Variants in TRAPPC9 observed in about 807,000 individuals in gnomAD.
TRAPPC9 encodes trafficking protein particle complex subunit 9, also known as IKK2 binding protein.
TRAPPC9 carries 83 observed loss-of-function variants against 124.0 expected under a neutral mutation model. The ratio of observed to expected loss-of-function variants is 0.67; its 90% CI spans 0.56 to 0.80. The LOEUF is 0.80. TRAPPC9 is among the 30% of genes least tolerant of loss of function. The pLI is 0.00. For synonymous variants in TRAPPC9, 638 were observed against 617.5 expected, an observed-to-expected ratio of 1.03 and a Z score of -0.49; for missense variants, 1,302 against 1,508.3, an observed-to-expected ratio of 0.86 and a Z score of 2.27.
intron 21 of TRAPPC9, among the ~76,000 whole-genome samples, chr8:139,885,643 T>C (rs1020212278): frequency 1.3e-5 from 2 of 152,226 alleles, no homozygotes; most frequent in Admixed American, 6.5e-5. Flanking sequence ...GCCCTTCTCA[T>C]GTCTGCACTG....
At chr8:140,340,910 G>A (rs192479854) in intron 9 of TRAPPC9, among the ~76,000 whole-genome samples, 67 of 152,266 alleles carry the variant, frequency 4.4e-4, no homozygotes, top group South Asian at 1.0e-3. Context: ...ACAAATCCAC[G>A]TAACCAACAA....
chr8:140,392,652 G>A (rs2068960733), intron 7 of TRAPPC9, among the ~76,000 whole-genome samples: 1 of 152,212 alleles, frequency 6.6e-6, no homozygotes, highest in African/African-American at 2.4e-5. Flanking sequence ...AGTGAGTGAG[G>A]GCAGGAAAGA....
chr8:140,232,863 T>C (rs922791205), intron 16 of TRAPPC9, among the ~76,000 whole-genome samples: 37 of 152,166 alleles, frequency 2.4e-4, no homozygotes, highest in Non-Finnish European at 4.7e-4. Flanking sequence ...GAGATTAAAG[T>C]AGAAGGCCTA....
intron 17 of TRAPPC9, among the ~76,000 whole-genome samples, chr8:140,214,241 C>T (rs542897680): frequency 4.3e-4 from 66 of 152,312 alleles, no homozygotes; most frequent in Admixed American, 1.2e-3. Flanking sequence ...GTTTTAGGCA[C>T]GTCATATCCA....
intron 20 of TRAPPC9, among the ~76,000 whole-genome samples, chr8:139,896,934 C>T (rs1195085066): frequency 1.3e-5 from 2 of 152,218 alleles, no homozygotes; most frequent in Non-Finnish European, 2.9e-5. Flanking sequence ...ACCATTCTGC[C>T]CCTGCCTCTC....
chr8:140,173,766 T>C (rs1389753904), intron 17 of TRAPPC9, among the ~76,000 whole-genome samples: 3 of 152,134 alleles, frequency 2.0e-5, no homozygotes, highest in Non-Finnish European at 4.4e-5. Context: ...ATTGGAAATA[T>C]TTATCAGGAA....
chr8:140,439,444 C>T (rs1283086313), intron 2 of TRAPPC9, among the ~76,000 whole-genome samples: 4 of 152,306 alleles, frequency 2.6e-5, no homozygotes, highest in East Asian at 1.9e-4. Context: ...ATGTCTTTCA[C>T]GTAGGCAATG....
Position 140,379,293 on chromosome 8 carries a change from G to A in TRAPPC9, c.1135-8113C>T, listed in dbSNP as rs192295022. Among the ~76,000 whole-genome samples, 18 of 152,256 alleles carry A rather than the reference G, an allele frequency of 1.2e-4. No individual in the cohort carries two copies. In the East Asian group the frequency reaches 2.7e-3, roughly 23 times the overall value. The stretch of plus-strand genomic sequence containing the variant: ...CCTCCATGCTGTGCTGCCTGGGGCC[G>A]GAGGAGGCTGGTGCAAGGCTGTCCT... On this transcript the variant is annotated intron_variant, in intron 7 of 22. Transcript: ENST00000438773.
In TRAPPC9 at chr8:140,214,976, T is replaced by C. The variant is rs892378849; in HGVS notation, c.2556+6483A>G. On this transcript the variant is annotated intron_variant, in intron 17 of 22. Coordinates refer to ENST00000438773, the MANE Select transcript of TRAPPC9 (RefSeq NM_001160372.4). Reference sequence around the variant, plus strand: ...CCAATTAAATCACATCATTCCTGCTTCGGGGAGAAGGGCTCTGTAACAAGC... The same window carrying C: ...CCAATTAAATCACATCATTCCTGCTCCGGGGAGAAGGGCTCTGTAACAAGC... 3.9e-5 allele frequency among the ~76,000 whole-genome samples: 6 copies of C among 152,150 alleles called. No individual in the cohort carries two copies. The South Asian group carries it at 1.2e-3, about 32-fold the overall frequency.
intron 17 of TRAPPC9, among the ~76,000 whole-genome samples, chr8:140,152,790 A>G (rs1177061046): frequency 2.0e-5 from 3 of 152,050 alleles, no homozygotes; most frequent in African/African-American, 4.8e-5. Flanking sequence ...AAGTCTTGCA[A>G]TTCTTTTTGT....
At chr8:140,269,148 CA>C (rs1238352439) in intron 15 of TRAPPC9, among the ~76,000 whole-genome samples, 5 of 151,354 alleles carry the variant, frequency 3.3e-5, no homozygotes, top group Non-Finnish European at 5.9e-5. Context: ...TGTATTTTAC[CA>C]AAAAAAAGTG....
At chr8:139,932,103 T>C (rs868801772) in intron 19 of TRAPPC9, 8 of 355,610 alleles carry the variant, frequency 2.2e-5, no homozygotes, top group Non-Finnish European at 3.9e-5. Context: ...CGCAGAGGTG[T>C]TGATGTGCGG....
At chr8:140,074,809 G>T (rs1011971334) in intron 17 of TRAPPC9, among the ~76,000 whole-genome samples, 1 of 152,256 alleles carries the variant, frequency 6.6e-6, no homozygotes, top group African/African-American at 2.4e-5. Flanking sequence ...AAGAGAGAAC[G>T]TCGGGCACAG....
At position 139,742,260 on chromosome 8, in the gene TRAPPC9, C is replaced by T. The variant is rs1563777321; in HGVS notation, c.3056-10058G>A. On this transcript the variant is annotated intron_variant, in intron 21 of 22. Coordinates refer to ENST00000438773, the MANE Select transcript of TRAPPC9 (RefSeq NM_001160372.4). This position sits in a 1 kb window ranked among gnomAD's most constrained non-coding sequence, Gnocchi z 4.7. ...TTCTCACGTGCGTTCTCCCGATCTA[C>T]CCCCAACCGGCCATGCTGCCGGCGC... Among the ~76,000 whole-genome samples the T allele has an allele frequency of 1.3e-5, 2 of 152,324 alleles. No individual in the cohort carries two copies. Among genetic ancestry groups the T allele is most frequent in the East Asian group, 3.9e-4 (2 of 5,178 alleles).
chr8:139,980,947 C>G (rs34995480), intron 19 of TRAPPC9, among the ~76,000 whole-genome samples: 31,018 of 152,176 alleles, frequency 0.2, 3,945 homozygotes, highest in African/African-American at 0.37. Context: ...TTCTGAGGAA[C>G]AAAGAGGCGC....
chr8:140,275,581 A>C, intron 15 of TRAPPC9, 77 bp downstream of exon 15: 1 of 1,500,698 alleles, frequency 6.7e-7, no homozygotes, highest in Non-Finnish European at 9.3e-7. Context: ...TTCTCTGAAA[A>C]CTGAGAATTT....
intron 21 of TRAPPC9, among the ~76,000 whole-genome samples, chr8:139,806,951 C>T (rs1448120258): frequency 6.6e-6 from 1 of 152,222 alleles, no homozygotes; most frequent in Non-Finnish European, 1.5e-5. Context: ...GTGCTTTGAT[C>T]GGCCACAGGC....
Position 140,291,043 on chromosome 8 carries a change from G to A in TRAPPC9, c.1804C>T (p.Gln602Ter). The A allele has an allele frequency of 2.5e-6, 4 of 1,614,174 alleles. No homozygotes were observed. Among genetic ancestry groups the A allele is most frequent in the Non-Finnish European group, 2.5e-6 (3 of 1,180,034 alleles). ...QWVQGDVCEVQLMVYNPMPFE... is the reference protein window; with the variant it reads ...QWVQGDVCEV ...GGCATTGGGTTATATACCATCAGCT[G>A]AACTTCACACACATCTCCTTGAACC... is the stretch of plus-strand genomic sequence containing the variant. The change falls in exon 12 of 23, where the codon CAG (glutamine) becomes TAG (stop). Residue 602 changes from glutamine to a stop codon, truncating the protein, a stop_gained. Transcript: ENST00000438773. LOFTEE classifies it high-confidence loss of function.
chr8:140,108,881 T>C (rs1386006947), intron 17 of TRAPPC9, among the ~76,000 whole-genome samples: 15 of 152,226 alleles, frequency 9.9e-5, no homozygotes, highest in Admixed American at 9.8e-4. Flanking sequence ...AGCAACATCC[T>C]ATGACTAAGA....
Sources: allele counts gnomAD v4.1 joint callset (sites outside exome capture counted in the v4.1 genomes callset), GRCh38; gene constraint gnomAD v4.1.1; non-coding constraint Gnocchi (gnomAD v3.1); transcripts MANE v1.5; gene names NCBI Gene and HGNC (gene_info 2026-07-23, HGNC 2026-07-21).